The following DPP10 variants were observed in gnomAD, a reference collection of about 807,000 sequenced individuals.
DPP10 encodes dipeptidyl peptidase like 10.
A neutral mutation model predicts 120.9 loss-of-function variants in DPP10; 33 were observed. The ratio of observed to expected loss-of-function variants is 0.27; its 90% CI spans 0.21 to 0.37. The LOEUF is 0.37. Among genes scored for constraint, DPP10 ranks in the 10% least tolerant of loss-of-function variants. DPP10 has a pLI of 1.00. For missense variants in DPP10, 816 were observed against 942.8 expected (o/e 0.87, Z 1.76); for synonymous variants, 337 against 326.1 (o/e 1.03, Z -0.36).
At chr2:115,597,221 C>T (rs1034855014) in intron 5 of DPP10, among the ~76,000 whole-genome samples, 1 of 152,106 alleles carries the variant, frequency 6.6e-6, no homozygotes, top group Non-Finnish European at 1.5e-5. Context: ...AACCCAACAC[C>T]AGTCAGCACA....
chr2:114,837,590 A>C (rs1031527972), intron 1 of DPP10, among the ~76,000 whole-genome samples: 8 of 152,234 alleles, frequency 5.3e-5, no homozygotes, highest in Admixed American at 3.9e-4. Flanking sequence ...GTCAAAAAAA[A>C]AAATGTGAAG....
At chr2:114,711,597 C>A (rs1701033881) in intron 1 of DPP10, among the ~76,000 whole-genome samples, 1 of 152,112 alleles carries the variant, frequency 6.6e-6, no homozygotes, top group Non-Finnish European at 1.5e-5. Flanking sequence ...TTAAAGTAGT[C>A]AGTGCTTGGC....
At chr2:114,753,601 G>A (rs567485781) in intron 1 of DPP10, among the ~76,000 whole-genome samples, 10 of 152,064 alleles carry the variant, frequency 6.6e-5, no homozygotes, top group African/African-American at 2.4e-4. Flanking sequence ...CTGCAATCTC[G>A]AGAAAAAGTA....
chr2:115,117,949 T>C (rs1573677494), intron 1 of DPP10, among the ~76,000 whole-genome samples: 1 of 152,312 alleles, frequency 6.6e-6, no homozygotes, highest in East Asian at 1.9e-4. Context: ...TATCAGGATA[T>C]TAAGTAAAAC....
At chr2:114,787,511 A>G (rs1397345663) in intron 1 of DPP10, among the ~76,000 whole-genome samples, 2 of 152,216 alleles carry the variant, frequency 1.3e-5, no homozygotes, top group African/African-American at 2.4e-5. Flanking sequence ...TAATAAACCA[A>G]TGACTGCTTG....
chr2:115,261,139 GAAC>G (rs996165663), intron 1 of DPP10, among the ~76,000 whole-genome samples: 93 of 152,118 alleles, frequency 6.1e-4, no homozygotes, highest in Non-Finnish European at 3.8e-4. Flanking sequence ...ACAACAACAA[GAAC>G]AACAACAACA....
intron 1 of DPP10, among the ~76,000 whole-genome samples, chr2:115,208,866 G>C (rs1260882961): frequency 6.6e-6 from 1 of 152,126 alleles, no homozygotes; most frequent in Non-Finnish European, 1.5e-5. Flanking sequence ...AGGAGCAAAT[G>C]TACAAAGCTA....
At chr2:114,842,477 A>G (rs1045284962) in intron 1 of DPP10, among the ~76,000 whole-genome samples, 1 of 152,100 alleles carries the variant, frequency 6.6e-6, no homozygotes, top group Non-Finnish European at 1.5e-5. Flanking sequence ...ACCCATCAAG[A>G]TGCACAGCAA....
intron 5 of DPP10, among the ~76,000 whole-genome samples, chr2:115,645,445 C>G (rs1433817752): frequency 1.3e-5 from 2 of 152,172 alleles, no homozygotes. Context: ...CAATCCCCAC[C>G]AGCCACTTTA....
intron 5 of DPP10, among the ~76,000 whole-genome samples, chr2:115,556,364 G>T (rs1463530718): frequency 1.6e-5 from 2 of 128,682 alleles, no homozygotes; most frequent in Admixed American, 8.4e-5. Context: ...TTTTTGGCAG[G>T]TTTTTTTTTT....
At chr2:114,522,692 A>G (rs184024659) in intron 1 of DPP10, among the ~76,000 whole-genome samples, 1 of 152,174 alleles carries the variant, frequency 6.6e-6, no homozygotes, top group East Asian at 1.9e-4. Flanking sequence ...AGCTGCTGAT[A>G]AAGACATAAC....
chr2:114,820,778 A>C (rs1686022454), intron 1 of DPP10, among the ~76,000 whole-genome samples: 2 of 152,150 alleles, frequency 1.3e-5, no homozygotes, highest in African/African-American at 4.8e-5. Flanking sequence ...CTTCGACAAA[A>C]CATGGGGATT....
intron 1 of DPP10, among the ~76,000 whole-genome samples, chr2:115,141,074 G>T (rs76084932): frequency 0.025 from 3,744 of 152,292 alleles, 128 homozygotes; most frequent in East Asian, 0.16. Flanking sequence ...GAGCAAGAAG[G>T]TAGGGATGTT....
chr2:115,384,521 G>A (rs1452362633), intron 3 of DPP10, among the ~76,000 whole-genome samples: 1 of 142,614 alleles, frequency 7.0e-6, no homozygotes, highest in East Asian at 2.1e-4. Flanking sequence ...GAAGGAAGAA[G>A]AGGAAGAAGA....
chr2:114,840,060 A>G (rs1284125465), intron 1 of DPP10, among the ~76,000 whole-genome samples: 1 of 152,112 alleles, frequency 6.6e-6, no homozygotes, highest in African/African-American at 2.4e-5. Flanking sequence ...CCCTCCACAA[A>G]CATCCCCACT....
rs74352043 is a variant in DPP10, at chr2:115,028,638, A to G, written c.61-280601A>G. ...TTATTTGTTGACTTTTTTGTCCACT[A>G]CTGAAAGTAGGGTGTTGATGTCCCC... is the stretch of plus-strand genomic sequence containing the variant. On this transcript the variant is annotated intron_variant, in intron 1 of 25. Transcript: ENST00000410059. Among the ~76,000 whole-genome samples the G allele has an allele frequency of 4.6e-5, 7 of 152,016 alleles. No individual in the cohort carries two copies. In the East Asian group the frequency reaches 1.4e-3, roughly 29 times the overall value.
intron 3 of DPP10, among the ~76,000 whole-genome samples, chr2:115,495,387 T>TAAAAAAAAAA: frequency 3.7e-5 from 1 of 27,056 alleles, no homozygotes; most frequent in Non-Finnish European, 9.2e-5. Context: ...AAAAAAAAAG[T>TAAAAAAAAAA]TTTTCGTTCT....
chr2:115,015,281 G>A (rs1702554241), intron 1 of DPP10, among the ~76,000 whole-genome samples: 1 of 152,110 alleles, frequency 6.6e-6, no homozygotes, highest in South Asian at 2.1e-4. Flanking sequence ...TGCAGAAAAG[G>A]CCTTCGATAA....
chr2:115,233,156 A>G (rs2057823120), intron 1 of DPP10, among the ~76,000 whole-genome samples: 1 of 152,052 alleles, frequency 6.6e-6, no homozygotes, highest in East Asian at 1.9e-4. Flanking sequence ...TGTTATATAA[A>G]ATAGAATGAT....
Sources: allele counts gnomAD v4.1 joint callset (sites outside exome capture counted in the v4.1 genomes callset), GRCh38; gene constraint gnomAD v4.1.1; transcripts MANE v1.5; gene names NCBI Gene and HGNC (gene_info 2026-07-23, HGNC 2026-07-21).